Variants in STAG1 observed in about 807,000 individuals in gnomAD.
The protein encoded by STAG1 is cohesin subunit SA-1.
Under a neutral mutation model 170.9 loss-of-function variants are expected in STAG1, and 26 were observed. The ratio of observed to expected loss-of-function variants is 0.15; its 90% CI spans 0.11 to 0.21. The LOEUF is 0.21. Among genes scored for constraint, STAG1 ranks in the 10% least tolerant of loss-of-function variants. The pLI is 1.00. For synonymous variants in STAG1, 514 were observed against 497.7 expected (o/e 1.03, Z -0.44); for missense variants, 964 against 1,509.5 (o/e 0.64, Z 5.99).
intron 1 of STAG1, chr3:136,736,922 GC>G: frequency 6.3e-7 from 1 of 1,589,760 alleles, no homozygotes. Context: ...TGATCTAGTA[GC>G]AACTTGTAAG....
chr3:136,502,806 C>G (rs370544081), intron 7 of STAG1, 27 bp from the exon 8 acceptor site: 157 of 1,517,562 alleles, frequency 1.0e-4, no homozygotes, highest in Non-Finnish European at 1.3e-4. Flanking sequence ...TATTATAATA[C>G]CTATGAATCA....
At chr3:136,412,919 T>C (rs1326797028) in intron 21 of STAG1, among the ~76,000 whole-genome samples, 1 of 150,974 alleles carries the variant, frequency 6.6e-6, no homozygotes, top group African/African-American at 2.4e-5. Context: ...TGGAGTGCAG[T>C]GGCGTAAATC....
intron 14 of STAG1, among the ~76,000 whole-genome samples, chr3:136,444,696 C>T (rs1404699122): frequency 6.6e-6 from 1 of 152,176 alleles, no homozygotes; most frequent in Admixed American, 6.5e-5. Flanking sequence ...TGTGCTTGTA[C>T]TTGTCAGAGA....
At chr3:136,526,712 T>A (rs1320403353) in intron 6 of STAG1, among the ~76,000 whole-genome samples, 1 of 152,214 alleles carries the variant, frequency 6.6e-6, no homozygotes, top group Non-Finnish European at 1.5e-5. Context: ...ATTTGGCATG[T>A]TTTTGCAGTG....
At chr3:136,686,029 T>A (rs780476845) in intron 1 of STAG1, among the ~76,000 whole-genome samples, 2 of 152,182 alleles carry the variant, frequency 1.3e-5, no homozygotes, top group Non-Finnish European at 2.9e-5. Context: ...CTCTGATTGG[T>A]GAGTGACAGC....
At chr3:136,380,634 G>T (rs1023528562) in intron 22 of STAG1, among the ~76,000 whole-genome samples, 1 of 152,108 alleles carries the variant, frequency 6.6e-6, no homozygotes, top group African/African-American at 2.4e-5. Context: ...AGAATTTAGG[G>T]AGCAATCGGG....
chr3:136,610,624 A>G (rs1050012561), intron 3 of STAG1, among the ~76,000 whole-genome samples: 3 of 152,236 alleles, frequency 2.0e-5, no homozygotes, highest in Non-Finnish European at 2.9e-5. Context: ...TCACTGGAAT[A>G]ACTTTAAAAA....
chr3:136,616,887 G>C (rs1939623878), intron 3 of STAG1, among the ~76,000 whole-genome samples: 1 of 152,108 alleles, frequency 6.6e-6, no homozygotes, highest in African/African-American at 2.4e-5. Context: ...AATATAGAAA[G>C]TACTGATTTA....
Position 136,534,384 on chromosome 3 carries a change from AAAAC to A in STAG1, c.471+7731_471+7734del, listed in dbSNP as rs139968428. ...CAAGACATCAAAAGCACAGACAACAAAAACAAACAAATAAAAAAGGCAAACAAGA... is the reference window on the plus strand; with the variant it reads ...CAAGACATCAAAAGCACAGACAACAAAAACAAATAAAAAAGGCAAACAAGA... On this transcript the variant is annotated intron_variant, in intron 6 of 33. Transcript: ENST00000383202. Among the ~76,000 whole-genome samples, 975 of 152,322 alleles carry A rather than the reference AAAAC, an allele frequency of 6.4e-3. 12 individuals are homozygous for A. The highest frequency in any genetic ancestry group is 0.022 in the African/African-American group (927 of 41,574).
At chr3:136,546,003 C>A (rs1039799109) in intron 5 of STAG1, among the ~76,000 whole-genome samples, 1 of 151,956 alleles carries the variant, frequency 6.6e-6, no homozygotes, top group Admixed American at 6.6e-5. Context: ...CAAGACTGCA[C>A]AGGATGCAGT....
chr3:136,551,603 A>T (rs1251522815), intron 5 of STAG1, among the ~76,000 whole-genome samples: 1 of 150,414 alleles, frequency 6.6e-6, no homozygotes, highest in Non-Finnish European at 1.5e-5. Context: ...TGAATAGTTC[A>T]TGTGTCTATT....
intron 6 of STAG1, among the ~76,000 whole-genome samples, chr3:136,534,417 A>C (rs1273952550): frequency 6.6e-6 from 1 of 152,336 alleles, no homozygotes; most frequent in African/African-American, 2.4e-5. Context: ...AACAAGATAC[A>C]TTAAACTAAA....
chr3:136,720,197 C>A (rs1015327953), intron 1 of STAG1, among the ~76,000 whole-genome samples: 1 of 148,838 alleles, frequency 6.7e-6, no homozygotes, highest in Non-Finnish European at 1.5e-5. Flanking sequence ...AAAAAAAAAT[C>A]TTAAGTGAAC....
intron 23 of STAG1, among the ~76,000 whole-genome samples, chr3:136,372,572 T>C (rs1937403266): frequency 6.6e-6 from 1 of 152,250 alleles, no homozygotes; most frequent in African/African-American, 2.4e-5. Context: ...TGTTGAATTT[T>C]GTCAAAGGCC....
chr3:136,664,425 C>T (rs1446797725), intron 1 of STAG1, among the ~76,000 whole-genome samples: 1 of 152,146 alleles, frequency 6.6e-6, no homozygotes, highest in Non-Finnish European at 1.5e-5. Context: ...GCTCTTCAGA[C>T]ACTAAAGCAT....
chr3:136,509,840 A>G (rs1176943178), intron 7 of STAG1, among the ~76,000 whole-genome samples: 3 of 152,186 alleles, frequency 2.0e-5, no homozygotes, highest in Non-Finnish European at 2.9e-5. Context: ...CTGCATTTAT[A>G]TTTAGTGATA....
chr3:136,615,715 T>G (rs1348994752), intron 3 of STAG1, among the ~76,000 whole-genome samples: 1 of 150,256 alleles, frequency 6.7e-6, no homozygotes, highest in Non-Finnish European at 1.5e-5. Flanking sequence ...GAGGCGGAGC[T>G]TGCAGTGAGC....
chr3:136,632,821 T>G (rs1355451338), intron 1 of STAG1, among the ~76,000 whole-genome samples: 1 of 152,120 alleles, frequency 6.6e-6, no homozygotes, highest in African/African-American at 2.4e-5. Context: ...AAGGCCAAGC[T>G]GCAAATGGCC....
intron 7 of STAG1, among the ~76,000 whole-genome samples, chr3:136,506,370 C>T (rs903447169): frequency 6.6e-6 from 1 of 151,714 alleles, no homozygotes; most frequent in Non-Finnish European, 1.5e-5. Flanking sequence ...GGGGCTCACG[C>T]CTGTAATCCC....
Sources: allele counts gnomAD v4.1 joint callset (sites outside exome capture counted in the v4.1 genomes callset), GRCh38; gene constraint gnomAD v4.1.1; transcripts MANE v1.5; gene names NCBI Gene and HGNC (gene_info 2026-07-23, HGNC 2026-07-21).